The following ITPR2 variants were observed in gnomAD, a reference collection of about 807,000 sequenced individuals.
ITPR2 encodes the protein inositol 1,4,5-trisphosphate-gated calcium channel ITPR2.
Under a neutral mutation model 317.1 loss-of-function variants are expected in ITPR2, and 207 were observed. The observed-to-expected ratio is 0.65, with a 90% CI of 0.58 to 0.73. The LOEUF (loss-of-function observed/expected upper bound fraction) is 0.73, where lower values mean the gene tolerates loss of function less well. Ranked by LOEUF, ITPR2 falls within the 30% of genes least tolerant of loss-of-function variation. The pLI, the probability that ITPR2 is intolerant of heterozygous loss-of-function variation, is 0.00. For missense variants in ITPR2, 2,613 were observed against 3,284.0 expected, an observed-to-expected ratio of 0.80 and a Z score of 4.99; for synonymous variants, 1,156 against 1,149.1, an observed-to-expected ratio of 1.01 and a Z score of -0.12.
At chr12:26,803,443 G>A (rs564334204) in intron 1 of ITPR2, among the ~76,000 whole-genome samples, 68 of 152,290 alleles carry the variant, frequency 4.5e-4, no homozygotes, top group Non-Finnish European at 7.5e-4. Flanking sequence ...GGTAAGTGAT[G>A]ATATAGCAGA....
chr12:26,447,441 C>G (rs889230816), intron 45 of ITPR2, among the ~76,000 whole-genome samples: 9 of 151,804 alleles, frequency 5.9e-5, no homozygotes, highest in Non-Finnish European at 1.2e-4. Flanking sequence ...TAGTGGCATC[C>G]TTTATTATCC....
rs116102064 is a variant in ITPR2 at position 26,486,527 on chromosome 12, A to G, written c.5555-167T>C. On this transcript the variant is annotated intron_variant, in intron 40 of 56. Coordinates refer to ENST00000381340, the MANE Select transcript of ITPR2 (RefSeq NM_002223.4). ...ATTTGAGAGAGCACTTAAAAATTAA[A>G]TTTGCAGTGGGTCATAAAAAAGATC... Among the ~76,000 whole-genome samples the G allele has an allele frequency of 6.5e-3, 990 of 152,258 alleles. 18 individuals carry two copies. Among genetic ancestry groups the G allele is most frequent in the African/African-American group, 0.023 (946 of 41,548 alleles).
chr12:26,557,071 C>T (rs997608482), intron 35 of ITPR2, among the ~76,000 whole-genome samples: 1 of 151,864 alleles, frequency 6.6e-6, no homozygotes, highest in African/African-American at 2.4e-5. Flanking sequence ...AGAGCCAAAC[C>T]CTGTCTCAAA....
Position 26,663,888 on chromosome 12 carries a change from T to C in ITPR2, c.1552-42A>G, listed in dbSNP as rs1315661258. The stretch of plus-strand genomic sequence containing the variant: ...CAGCCACCTATTCTGATGAATAAAA[T>C]GTTTTGCAACCTTTTTTTTTTAACA... On this transcript the variant is annotated intron_variant, in intron 14 of 56. Transcript: ENST00000381340. 8 of 1,516,422 alleles carry C rather than the reference T, an allele frequency of 5.3e-6. No homozygotes were observed. The Admixed American group carries it at 1.4e-4, about 26-fold the overall frequency. The allele number at this position is 1,516,422 out of a possible 1,614,324, so 93.9% of individuals were successfully genotyped here.
intron 26 of ITPR2, among the ~76,000 whole-genome samples, chr12:26,615,028 C>T (rs567303739): frequency 3.9e-5 from 6 of 152,170 alleles, no homozygotes; most frequent in East Asian, 3.9e-4. Flanking sequence ...TGTTAACAAT[C>T]GGAGAAAGAG....
intron 10 of ITPR2, among the ~76,000 whole-genome samples, chr12:26,692,550 G>C (rs1435608133): frequency 1.3e-5 from 2 of 152,174 alleles, no homozygotes; most frequent in East Asian, 3.8e-4. Flanking sequence ...TTTTCAAGGA[G>C]AAGAAACTAA....
At chr12:26,353,939 C>A (rs1938555292) in intron 55 of ITPR2, among the ~76,000 whole-genome samples, 1 of 152,070 alleles carries the variant, frequency 6.6e-6, no homozygotes, top group Non-Finnish European at 1.5e-5. Context: ...TTGTTTAGCA[C>A]CATAACCAAA....
chr12:26,383,106 C>G (rs1483922406), intron 55 of ITPR2, among the ~76,000 whole-genome samples: 2 of 152,148 alleles, frequency 1.3e-5, no homozygotes, highest in African/African-American at 4.8e-5. Flanking sequence ...TATTAGTTCA[C>G]TCTGGACTTA....
intron 2 of ITPR2, among the ~76,000 whole-genome samples, chr12:26,729,605 A>G (rs1948993336): frequency 1.3e-5 from 2 of 152,320 alleles, no homozygotes; most frequent in African/African-American, 4.8e-5. Context: ...CATATACACC[A>G]TGGAATACTA....
intron 1 of ITPR2, among the ~76,000 whole-genome samples, chr12:26,827,121 A>G (rs1293702974): frequency 6.6e-6 from 1 of 152,236 alleles, no homozygotes; most frequent in Non-Finnish European, 1.5e-5. Context: ...TAGAAAATAA[A>G]AATAGTTTAT....
chr12:26,799,216 T>C (rs1009293005), intron 1 of ITPR2, among the ~76,000 whole-genome samples: 3 of 152,212 alleles, frequency 2.0e-5, no homozygotes, highest in African/African-American at 4.8e-5. Flanking sequence ...TATTTTTCCA[T>C]GAAAGACATA....
At chr12:26,499,015 A>G (rs1943011327) in intron 37 of ITPR2, among the ~76,000 whole-genome samples, 1 of 152,092 alleles carries the variant, frequency 6.6e-6, no homozygotes, top group Non-Finnish European at 1.5e-5. Flanking sequence ...TTTTAATCAC[A>G]CCATTTATCA....
At chr12:26,598,476 G>T (rs568540333) in intron 30 of ITPR2, among the ~76,000 whole-genome samples, 1 of 152,086 alleles carries the variant, frequency 6.6e-6, no homozygotes, top group Non-Finnish European at 1.5e-5. Context: ...GTCACAGAGC[G>T]GTGATTTAAT....
chr12:26,664,589 A>G (rs1415826750), intron 14 of ITPR2, among the ~76,000 whole-genome samples: 2 of 152,240 alleles, frequency 1.3e-5, no homozygotes, highest in African/African-American at 4.8e-5. Context: ...GGGCATGAAC[A>G]TTAATACATG....
chr12:26,578,072 A>G (rs1231538016), intron 34 of ITPR2, among the ~76,000 whole-genome samples: 1 of 152,172 alleles, frequency 6.6e-6, no homozygotes, highest in African/African-American at 2.4e-5. Flanking sequence ...AGTTGAAAGG[A>G]TGATCAAGCT....
At chr12:26,629,585 C>CA (rs5797182) in intron 22 of ITPR2, among the ~76,000 whole-genome samples, 37,569 of 144,244 alleles carry the variant, frequency 0.26, 5,152 homozygotes, top group African/African-American at 0.37. Context: ...GACCCTGTCT[C>CA]AAAAAAAAAA....
At chr12:26,791,569 C>A (rs1222708443) in intron 1 of ITPR2, among the ~76,000 whole-genome samples, 1 of 152,006 alleles carries the variant, frequency 6.6e-6, no homozygotes, top group Admixed American at 6.6e-5. Context: ...AAACAAAATG[C>A]TGATTTGGTC....
intron 2 of ITPR2, among the ~76,000 whole-genome samples, chr12:26,763,255 G>A (rs2137129683): frequency 6.6e-6 from 1 of 151,306 alleles, no homozygotes; most frequent in East Asian, 1.9e-4. Context: ...TTTTTTCTTT[G>A]CCAATTATAG....
At chr12:26,607,562 T>A (rs531318058) in intron 26 of ITPR2, among the ~76,000 whole-genome samples, 38 of 152,114 alleles carry the variant, frequency 2.5e-4, no homozygotes, top group Non-Finnish European at 4.3e-4. Flanking sequence ...GATCTTGGTA[T>A]CATGGTTGTC....
Sources: allele counts gnomAD v4.1 joint callset (sites outside exome capture counted in the v4.1 genomes callset), GRCh38; gene constraint gnomAD v4.1.1; transcripts MANE v1.5; gene names NCBI Gene and HGNC (gene_info 2026-07-23, HGNC 2026-07-21).